EIF4B: variants seen among roughly 807,000 people sequenced by gnomAD.
EIF4B encodes the protein eukaryotic translation initiation factor 4B.
In EIF4B, 8 loss-of-function variants were observed where a neutral mutation model predicts 79.3. That is an observed-to-expected ratio of 0.10 (90% CI 0.06 to 0.18). The LOEUF (loss-of-function observed/expected upper bound fraction) is 0.18, where lower values mean the gene tolerates loss of function less well. Among genes scored for constraint, EIF4B ranks in the 10% least tolerant of loss-of-function variants. The pLI, the probability that EIF4B is intolerant of heterozygous loss-of-function variation, is 1.00. For missense variants in EIF4B, 515 were observed against 792.4 expected (o/e 0.65, Z 4.20); for synonymous variants, 238 against 274.7 (o/e 0.87, Z 1.32).
rs8916 is a variant in EIF4B at position 53,039,702 on chromosome 12, C to T, written c.1755C>T (p.Ser585=). 0.9 allele frequency: 1,446,027 copies of T among 1,612,960 alleles called. 654,945 individuals carry two copies. The highest frequency in any genetic ancestry group is 0.93 in the Non-Finnish European group (1,094,171 of 1,179,536). ...EPKKPEENPA[S]KFSSASKYAA... ...AGAAACCTGAGGAAAATCCAGCTTC[C>T]GTAAGTGTTGAAGGCTGCTCCCAAT... Residue 585 remains serine (S), a splice_region_variant and synonymous_variant, in exon 14 of 15, where the codon TCC becomes TCT. Transcript: ENST00000262056.
intron 2 of EIF4B, among the ~76,000 whole-genome samples, 199 bp downstream of exon 2, chr12:53,016,809 T>C (rs1164343305): frequency 6.6e-6 from 1 of 152,260 alleles, no homozygotes; most frequent in East Asian, 1.9e-4. Context: ...GAAGTGGTCA[T>C]TTAAGAGAGC....
At chr12:53,015,847 G>A (rs1180181198) in intron 1 of EIF4B, among the ~76,000 whole-genome samples, 1 of 151,596 alleles carries the variant, frequency 6.6e-6, no homozygotes, top group Admixed American at 6.6e-5. Flanking sequence ...GCATGGTGGC[G>A]GGTGCCTGTA....
rs1943263296 is a variant in EIF4B, at chr12:53,022,543, A to T, written c.583A>T (p.Thr195Ser). The T allele has an allele frequency of 6.2e-7, 1 of 1,613,390 alleles. No individual in the cohort carries two copies. The highest frequency in any genetic ancestry group is 8.5e-7 in the Non-Finnish European group (1 of 1,179,880). Residue 195 changes from threonine (T) to serine (S), a missense_variant, in exon 6 of 15, where the codon ACA becomes TCA. Thr to Ser is a moderately conservative substitution (Grantham distance 58). Transcript: ENST00000262056. The part of the protein sequence containing the change: ...GRDRNRDSDK[T>S]DTDWRARPAT... The stretch of plus-strand genomic sequence containing the variant: ...TGATAGAAATCGGGATTCTGACAAA[A>T]CAGATACAGACTGGAGGGCTCGTCC...
chr12:53,039,023 A>G (rs765926027), intron 12 of EIF4B: 3 of 465,216 alleles, frequency 6.4e-6, no homozygotes, highest in Non-Finnish European at 1.1e-5. Context: ...ATATCCCTAC[A>G]TGGAACTTTT....
intron 12 of EIF4B, 36 bp from the exon 13 acceptor site, chr12:53,039,202 C>T: frequency 6.9e-7 from 1 of 1,450,858 alleles, no homozygotes; most frequent in Non-Finnish European, 9.5e-7. Context: ...GATACTTTTA[C>T]TTGCCTTTAA....
intron 10 of EIF4B, among the ~76,000 whole-genome samples, chr12:53,035,695 G>A (rs1011515272): frequency 6.6e-6 from 1 of 151,970 alleles, no homozygotes; most frequent in Non-Finnish European, 1.5e-5. Context: ...TTGTAGAGAT[G>A]GTTTCCCCAT....
chr12:53,023,055 A>G (rs1943273797), intron 6 of EIF4B, among the ~76,000 whole-genome samples: 1 of 152,138 alleles, frequency 6.6e-6, no homozygotes, highest in Non-Finnish European at 1.5e-5. Flanking sequence ...CTAGCTGTTC[A>G]GCAAGCTGAG....
intron 10 of EIF4B, among the ~76,000 whole-genome samples, chr12:53,036,749 T>G (rs1161289772): frequency 1.3e-5 from 2 of 151,002 alleles, no homozygotes; most frequent in East Asian, 3.9e-4. Flanking sequence ...TTTTTTGAGA[T>G]GGAGTCTCAC....
intron 10 of EIF4B, among the ~76,000 whole-genome samples, chr12:53,035,413 G>T (rs1025001255): frequency 2.0e-5 from 3 of 151,318 alleles, no homozygotes; most frequent in Admixed American, 2.0e-4. Context: ...CTGTCGCCCA[G>T]GCTGGAGTGC....
rs1162763685 is a variant in EIF4B at position 53,033,795 on chromosome 12, A to G, written c.980-11A>G. On this transcript the variant is annotated splice_polypyrimidine_tract_variant and intron_variant, in intron 8 of 14. Coordinates refer to ENST00000262056, the MANE Select transcript of EIF4B (RefSeq NM_001417.7). The stretch of plus-strand genomic sequence containing the variant: ...TTGGAAAACTATTACTTAAAGTTTC[A>G]TTTAACTTAGGTCCCCCCCAAAGAC... 1 of 1,571,482 alleles carries G rather than the reference A, an allele frequency of 6.4e-7. No homozygotes were observed. Among genetic ancestry groups the G allele is most frequent in the African/African-American group, 1.4e-5 (1 of 72,690 alleles).
chr12:53,022,115 C>CA (rs2120926570), intron 5 of EIF4B: 1 of 639,120 alleles, frequency 1.6e-6, no homozygotes, highest in South Asian at 1.8e-5. Context: ...TCCCCATCAA[C>CA]AAAGAATTAT....
intron 6 of EIF4B, among the ~76,000 whole-genome samples, chr12:53,027,555 TCTC>T (rs752362766): frequency 4.6e-4 from 70 of 152,214 alleles, no homozygotes; most frequent in Non-Finnish European, 2.8e-4. Context: ...GTAAACCTCT[TCTC>T]CTTCTGGAAA....
intron 10 of EIF4B, among the ~76,000 whole-genome samples, chr12:53,035,979 G>A (rs1156868618): frequency 5.0e-3 from 2 of 400 alleles, no homozygotes; most frequent in South Asian, 0.045. Flanking sequence ...CACCATGCCC[G>A]ACTAATTTTT....
chr12:53,034,954 CTCTT>C (rs1185218267), intron 10 of EIF4B, among the ~76,000 whole-genome samples: 4 of 104,348 alleles, frequency 3.8e-5, no homozygotes, highest in Admixed American at 1.3e-4. Context: ...GTTTGTCTCT[CTCTT>C]TTTTTTTTTT....
chr12:53,006,947 TGTG>T (rs1344825965), intron 1 of EIF4B, among the ~76,000 whole-genome samples: 1 of 54,098 alleles, frequency 1.8e-5, no homozygotes, highest in Admixed American at 2.3e-4. Flanking sequence ...GGGGAGTAAG[TGTG>T]GTGGGGGGGA....
At position 53,040,188 on chromosome 12, in the gene EIF4B, G is replaced by C; in HGVS notation, c.1801G>C (p.Glu601Gln). The C allele has an allele frequency of 6.2e-7, 1 of 1,614,162 alleles. No individual in the cohort carries two copies. Among genetic ancestry groups the C allele is most frequent in the Non-Finnish European group, 8.5e-7 (1 of 1,180,022 alleles). The change falls in exon 15 of 15, where the codon GAA (glutamate) becomes CAA (glutamine). Residue 601 changes from glutamate to glutamine, a missense_variant. Coordinates refer to ENST00000262056, the MANE Select transcript of EIF4B (RefSeq NM_001417.7). ...SKYAALSVDGEDENEGEDYAE is the reference protein window; with the variant it reads ...SKYAALSVDGQDENEGEDYAE ...GTATGCTGCTCTCTCTGTTGATGGTGAAGATGAAAATGAGGGAGAAGATTA... is the reference window on the plus strand; with the variant it reads ...GTATGCTGCTCTCTCTGTTGATGGTCAAGATGAAAATGAGGGAGAAGATTA...
chr12:53,007,372 C>T (rs1408247693), intron 1 of EIF4B, among the ~76,000 whole-genome samples: 1 of 145,698 alleles, frequency 6.9e-6, no homozygotes, highest in African/African-American at 2.5e-5. Flanking sequence ...TCGCTTCCGG[C>T]GCTTCCATGT....
At chr12:53,014,154 GGGCGC>G (rs1943111064) in intron 1 of EIF4B, among the ~76,000 whole-genome samples, 1 of 151,710 alleles carries the variant, frequency 6.6e-6, no homozygotes, top group Non-Finnish European at 1.5e-5. Flanking sequence ...AAAGCAGGCC[GGGCGC>G]GTTGGCTCAC....
chr12:53,034,532 G>A (rs1943503877), intron 9 of EIF4B, 80 bp from the exon 10 acceptor site: 4 of 1,327,846 alleles, frequency 3.0e-6, no homozygotes, highest in Admixed American at 1.7e-5. Flanking sequence ...GTAAGTGATG[G>A]TTCTTGAGGG....
Sources: gnomAD v4.1 joint callset for allele counts (sites outside exome capture counted in the v4.1 genomes callset) on GRCh38, gnomAD v4.1.1 for gene constraint, MANE v1.5 for transcripts, NCBI Gene and HGNC (gene_info 2026-07-23, HGNC 2026-07-21) for gene names.